Variants in CRTC1 observed in about 807,000 individuals in gnomAD.
CRTC1 encodes the protein CREB regulated transcription coactivator 1, also known as CREB-regulated transcription coactivator 1.
A neutral mutation model predicts 66.1 loss-of-function variants in CRTC1; 18 were observed. The observed-to-expected ratio is 0.27, with a 90% CI of 0.19 to 0.40. The LOEUF (loss-of-function observed/expected upper bound fraction) is 0.40, where lower values mean the gene tolerates loss of function less well. CRTC1 is among the 10% of genes least tolerant of loss of function. The pLI, the probability that CRTC1 is intolerant of heterozygous loss-of-function variation, is 1.00. For missense variants in CRTC1, 669 were observed against 887.9 expected (o/e 0.75, Z 3.13); for synonymous variants, 416 against 398.8 (o/e 1.04, Z -0.51).
At chr19:18,701,946 G>A (rs8113096) in intron 1 of CRTC1, among the ~76,000 whole-genome samples, 34,648 of 133,160 alleles carry the variant, frequency 0.26, 4,959 homozygotes, top group East Asian at 0.61. Context: ...TTTTTGAGAC[G>A]GAGTTTCACT....
At position 18,741,007 on chromosome 19, in the gene CRTC1, A is replaced by T. The variant is rs529628706; in HGVS notation, c.127-1903A>T. Among the ~76,000 whole-genome samples the T allele has an allele frequency of 6.6e-6, 1 of 152,360 alleles. No individual in the cohort carries two copies. Among genetic ancestry groups the T allele is most frequent in the Admixed American group, 6.5e-5 (1 of 15,308 alleles). On this transcript the variant is annotated intron_variant, in intron 1 of 13. Coordinates refer to ENST00000321949, the MANE Select transcript of CRTC1 (RefSeq NM_015321.3). This position sits in a 1 kb window ranked among gnomAD's most constrained non-coding sequence, Gnocchi z 4.2. ...GCAACAGAGCGAGACTCCATCTCAA[A>T]AAAACAAACAAACAACAACAACAAC...
chr19:18,739,081 G>A (rs2054058542), intron 1 of CRTC1, among the ~76,000 whole-genome samples: 1 of 152,234 alleles, frequency 6.6e-6, no homozygotes, highest in Non-Finnish European at 1.5e-5. Flanking sequence ...AGGACCAGAT[G>A]CCCATCTATC....
rs540258952 is a variant in CRTC1 at position 18,758,383 on chromosome 19, A to G, written c.625-1168A>G. Among the ~76,000 whole-genome samples the G allele has an allele frequency of 2.0e-5, 3 of 152,130 alleles. No individual in the cohort carries two copies. The South Asian group carries it at 6.2e-4, about 32-fold the overall frequency. ...TCTAAAAAAAAAAAAAAAGAAAGAA[A>G]AAAAAGGCAGAGGAGCCCTTCCCGA... On this transcript the variant is annotated intron_variant, in intron 6 of 13. Transcript: ENST00000321949.
chr19:18,696,194 A>G (rs147375693), intron 1 of CRTC1, among the ~76,000 whole-genome samples: 1,788 of 152,288 alleles, frequency 0.012, 14 homozygotes, highest in South Asian at 0.042. Context: ...CTAACCCCGC[A>G]GCCTGTGTGT....
At chr19:18,746,022 A>G (rs1361305183) in intron 3 of CRTC1, 62 bp downstream of exon 3, 1 of 1,544,682 alleles carries the variant, frequency 6.5e-7, no homozygotes, top group Non-Finnish European at 8.8e-7. Context: ...GCAGGACCCC[A>G]AGTTTACCCA....
chr19:18,742,568 G>A (rs1477877602), intron 1 of CRTC1, among the ~76,000 whole-genome samples: 2 of 152,226 alleles, frequency 1.3e-5, no homozygotes, highest in Non-Finnish European at 2.9e-5. Context: ...CTGGTGAGGG[G>A]CCTCCTTGGC....
At chr19:18,721,342 C>T (rs1018245933) in intron 1 of CRTC1, among the ~76,000 whole-genome samples, 28 of 151,676 alleles carry the variant, frequency 1.8e-4, no homozygotes, top group East Asian at 5.8e-4. Context: ...TTCAGGCGCC[C>T]GCCACCATGC....
intron 1 of CRTC1, among the ~76,000 whole-genome samples, chr19:18,726,944 A>C (rs971312707): frequency 6.6e-6 from 1 of 151,510 alleles, no homozygotes; most frequent in Non-Finnish European, 1.5e-5. Context: ...AAAAAAAAAA[A>C]AAAAAAAAGA....
chr19:18,744,114 G>C (rs778482371), intron 2 of CRTC1: 1 of 1,613,012 alleles, frequency 6.2e-7, no homozygotes, highest in Admixed American at 1.7e-5. Flanking sequence ...TCAGCCCAGC[G>C]GATTTCTGGG....
chr19:18,758,545 AG>A (rs990774866), intron 6 of CRTC1, among the ~76,000 whole-genome samples: 1 of 152,000 alleles, frequency 6.6e-6, no homozygotes, highest in African/African-American at 2.4e-5. Flanking sequence ...TGTCATGCTG[AG>A]GGCTACCCAA....
intron 10 of CRTC1, among the ~76,000 whole-genome samples, chr19:18,769,228 C>T (rs2054808849): frequency 6.6e-6 from 1 of 152,352 alleles, no homozygotes; most frequent in African/African-American, 2.4e-5. Flanking sequence ...CCGTTGGGCA[C>T]AGCGCCTGGG....
chr19:18,706,096 A>G (rs1336589305), intron 1 of CRTC1, among the ~76,000 whole-genome samples: 1 of 136,292 alleles, frequency 7.3e-6, no homozygotes, highest in Non-Finnish European at 1.5e-5. Flanking sequence ...TCCTTTTCCC[A>G]TTGAGTAGTT....
intron 1 of CRTC1, among the ~76,000 whole-genome samples, chr19:18,718,804 G>A (rs549380905): frequency 1.1e-4 from 16 of 152,244 alleles, no homozygotes; most frequent in African/African-American, 3.4e-4. Flanking sequence ...GGGGGCATCC[G>A]TCCAGGAGTG....
At chr19:18,712,909 G>A (rs1202699917) in intron 1 of CRTC1, among the ~76,000 whole-genome samples, 1 of 151,304 alleles carries the variant, frequency 6.6e-6, no homozygotes, top group East Asian at 2.0e-4. Context: ...ACAGTGAGCC[G>A]AGATCGTGCC....
intron 1 of CRTC1, among the ~76,000 whole-genome samples, chr19:18,725,274 C>T (rs1019360193): frequency 1.3e-5 from 2 of 152,036 alleles, no homozygotes; most frequent in South Asian, 2.1e-4. Context: ...CCCTTCTCTC[C>T]CCCAGCTCGG....
At chr19:18,753,205 G>A (rs1325602020) in intron 5 of CRTC1, among the ~76,000 whole-genome samples, 2 of 152,044 alleles carry the variant, frequency 1.3e-5, no homozygotes, top group Admixed American at 1.3e-4. Flanking sequence ...GAACCCGGGA[G>A]GTGGAGCTTG....
In CRTC1 at chr19:18,760,901, G is replaced by A. The variant is rs971726504; in HGVS notation, c.886+673G>A. 1.3e-5 allele frequency among the ~76,000 whole-genome samples: 2 copies of A among 151,760 alleles called. No individual in the cohort carries two copies. The highest frequency in any genetic ancestry group is 4.8e-5 in the African/African-American group (2 of 41,280). ...CCGCCCTCAGGACCTGGCCTGACCT[G>A]GCTCCTCTCCCCAGGCCCCCAGCCC... On this transcript the variant is annotated intron_variant, in intron 8 of 13. Transcript: ENST00000321949. The surrounding 1 kb of genome is among the most constrained non-coding windows in gnomAD (Gnocchi z 6.2).
At chr19:18,693,266 G>A (rs2052894146) in intron 1 of CRTC1, among the ~76,000 whole-genome samples, 2 of 151,184 alleles carry the variant, frequency 1.3e-5, no homozygotes, top group African/African-American at 2.4e-5. Flanking sequence ...GTGTGCACCT[G>A]TAGTCCCAGC....
intron 1 of CRTC1, among the ~76,000 whole-genome samples, chr19:18,706,151 A>G (rs1245024003): frequency 5.8e-5 from 2 of 34,252 alleles, no homozygotes; most frequent in Non-Finnish European, 1.2e-4. Context: ...GTGACAGTTT[A>G]TTTCTGGGCT....
Sources: allele counts gnomAD v4.1 joint callset (sites outside exome capture counted in the v4.1 genomes callset), GRCh38; gene constraint gnomAD v4.1.1; non-coding constraint Gnocchi (gnomAD v3.1); transcripts MANE v1.5; gene names NCBI Gene and HGNC (gene_info 2026-07-23, HGNC 2026-07-21).